Variants in PCDHB1 observed in about 807,000 individuals in gnomAD.
PCDHB1 encodes protocadherin beta 1.
Under a neutral mutation model 43.5 loss-of-function variants are expected in PCDHB1, and 44 were observed. That is an observed-to-expected ratio of 1.01 (90% CI 0.79 to 1.30). The LOEUF (loss-of-function observed/expected upper bound fraction) is 1.30, where lower values mean the gene tolerates loss of function less well. Ranked by LOEUF, PCDHB1 falls within the 50% of genes most tolerant of loss-of-function variation. The pLI is 0.00. For missense variants in PCDHB1, 919 were observed against 1,008.9 expected (o/e 0.91, Z 1.21); for synonymous variants, 392 against 400.8 (o/e 0.98, Z 0.26).
chr5:141,052,023 T>A lies in PCDHB1; in HGVS notation c.553T>A (p.Cys185Ser). The A allele has an allele frequency of 6.2e-7, 1 of 1,614,184 alleles. No individual in the cohort carries two copies. The highest frequency in any genetic ancestry group is 8.5e-7 in the Non-Finnish European group (1 of 1,180,040). The part of the protein sequence containing the change: ...NGYFHLHTRF[C>S]SHGPKYAELV... Reference sequence around the variant, plus strand: ...GTATTTCCACCTGCACACCCGCTTCTGCAGCCACGGGCCTAAATATGCTGA... The same window carrying A: ...GTATTTCCACCTGCACACCCGCTTCAGCAGCCACGGGCCTAAATATGCTGA... The change falls in exon 1 of 1, where the codon TGC (cysteine) becomes AGC (serine). Residue 185 changes from cysteine to serine, a missense_variant. Cys to Ser is a moderately radical substitution (Grantham distance 112, BLOSUM62 -1). Transcript: ENST00000306549.
In PCDHB1 at chr5:141,052,951, CA is replaced by C. The variant is rs782781242; in HGVS notation, c.1487del (p.Asn496ThrfsTer12). Reference protein sequence around the residue: ...NAQITYSLLPPKNGDLSVFAY... With the variant: ...NAQITYSLLPXKNGDLSVFAY... ...CAAATAACATATTCTCTGTTGCCTC[CA>C]AAAAACGGAGATCTTTCAGTCTTTG... is the stretch of plus-strand genomic sequence containing the variant. On this transcript the variant is annotated frameshift_variant, in exon 1 of 1. Transcript: ENST00000306549. LOFTEE classifies it high-confidence loss of function. 8.7e-6 allele frequency: 14 copies of C among 1,613,898 alleles called. No individual in the cohort carries two copies. Among genetic ancestry groups the C allele is most frequent in the Non-Finnish European group, 1.2e-5 (14 of 1,179,990 alleles).
chr5:141,053,724 C>T lies in PCDHB1; in HGVS notation c.2254C>T (p.Pro752Ser), dbSNP rs1308731130. 2 of 1,614,038 alleles carry T rather than the reference C, an allele frequency of 1.2e-6. No individual in the cohort carries two copies. The highest frequency in any genetic ancestry group is 1.7e-6 in the Non-Finnish European group (2 of 1,179,990). Residue 752 changes from proline to serine, a missense_variant, in exon 1 of 1, where the codon CCT (proline) becomes TCT (serine). Transcript: ENST00000306549. The part of the protein sequence containing the change: ...QGQGNGSLSR[P>S]CPYEMCSATG... ...ACAAGGCAATGGATCCTTATCTCGGCCTTGTCCATATGAAATGTGTTCAGC... is the reference window on the plus strand; with the variant it reads ...ACAAGGCAATGGATCCTTATCTCGGTCTTGTCCATATGAAATGTGTTCAGC...
rs1193802785 is a variant in PCDHB1 at position 141,052,071 on chromosome 5, G to A, written c.601G>A (p.Asp201Asn). 1 of 1,614,028 alleles carries A rather than the reference G, an allele frequency of 6.2e-7. No homozygotes were observed. The highest frequency in any genetic ancestry group is 8.5e-7 in the Non-Finnish European group (1 of 1,180,054). The change falls in exon 1 of 1, where the codon GAC becomes AAC. Residue 201 changes from aspartate to asparagine, a missense_variant. Transcript: ENST00000306549. ...YAELVLNKPL[D>N]REEQPEVNLT... ...TGAGCTGGTGCTGAACAAACCCCTGGACCGAGAGGAGCAGCCTGAAGTCAA... is the reference window on the plus strand; with the variant it reads ...TGAGCTGGTGCTGAACAAACCCCTGAACCGAGAGGAGCAGCCTGAAGTCAA...
chr5:141,057,166 T>C lies in PCDHB1; in HGVS notation c.*3239T>C, dbSNP rs1751150128. 6.6e-6 allele frequency: 1 copy of C among 152,210 alleles called. No individual in the cohort carries two copies. The highest frequency in any genetic ancestry group is 1.5e-5 in the Non-Finnish European group (1 of 68,034). 9.4% of individuals were successfully genotyped at this position (152,210 alleles called of 1,614,324 possible). A position where few individuals can be genotyped will look rare whatever the true frequency, so the allele number is the denominator to read the frequency against. ...ACAGAAGATGTAGATTTGTCAACTT[T>C]TTATTTTTTCACATTAAATGAGATA... On this transcript the variant is annotated 3_prime_UTR_variant, in exon 1 of 1. Coordinates refer to ENST00000306549, the MANE Select transcript of PCDHB1 (RefSeq NM_013340.4).
At position 141,052,336 on chromosome 5, in the gene PCDHB1, T is replaced by C; in HGVS notation, c.866T>C (p.Leu289Pro). ...TTAGCTCAAAACCCAGAAGCAATTC[T>C]CAAGACGTTTCAGATTGACCCTCAA... The part of the protein sequence containing the change: ...YSLAQNPEAI[L>P]KTFQIDPQNG... The change falls in exon 1 of 1, where the codon CTC (leucine) becomes CCC (proline). Residue 289 changes from leucine (L) to proline (P), a missense_variant. Leu to Pro is a moderately conservative substitution (Grantham distance 98). Coordinates refer to ENST00000306549, the MANE Select transcript of PCDHB1 (RefSeq NM_013340.4). 6.2e-7 allele frequency: 1 copy of C among 1,614,236 alleles called. No individual in the cohort carries two copies. The highest frequency in any genetic ancestry group is 8.5e-7 in the Non-Finnish European group (1 of 1,180,046).
At position 141,058,655 on chromosome 5, in the gene PCDHB1, A is replaced by T. The variant is rs550506047; in HGVS notation, c.*4728A>T. The T allele has an allele frequency of 6.6e-6, 1 of 152,276 alleles. No homozygotes were observed. The highest frequency in any genetic ancestry group is 1.9e-4 in the East Asian group (1 of 5,186). 9.4% of individuals were successfully genotyped at this position (152,276 alleles called of 1,614,324 possible). A position where few individuals can be genotyped will look rare whatever the true frequency, so the allele number is the denominator to read the frequency against. The stretch of plus-strand genomic sequence containing the variant: ...AAGTTACTTTTTTCTCTTTGTAATT[A>T]ATAAACACTTGGGGGATATGCTTTG... On this transcript the variant is annotated 3_prime_UTR_variant, in exon 1 of 1. Coordinates refer to ENST00000306549, the MANE Select transcript of PCDHB1 (RefSeq NM_013340.4).
rs75969233 is a variant in PCDHB1, at chr5:141,058,486, T to C, written c.*4559T>C. 1 of 98,536 alleles carries C rather than the reference T, an allele frequency of 1.0e-5. No homozygotes were observed. The highest frequency in any genetic ancestry group is 2.8e-5 in the African/African-American group (1 of 35,120). 6.1% of individuals were successfully genotyped at this position (98,536 alleles called of 1,614,324 possible). A position where few individuals can be genotyped will look rare whatever the true frequency, so the allele number is the denominator to read the frequency against. On this transcript the variant is annotated 3_prime_UTR_variant, in exon 1 of 1. Coordinates refer to ENST00000306549, the MANE Select transcript of PCDHB1 (RefSeq NM_013340.4). The stretch of plus-strand genomic sequence containing the variant: ...TGTCACACTACTGGTGATATTAATC[T>C]TTTTTCTTTTATTGTGGTAAAGAAC...
rs1751040379 is a variant in PCDHB1, at chr5:141,053,212, C to T, written c.1742C>T (p.Ala581Val). The change falls in exon 1 of 1, where the codon GCA becomes GTA. Residue 581 changes from alanine to valine, a missense_variant. Transcript: ENST00000306549. ...LPCNDLVPRSAEAGYLVTKVV... is the reference protein window; with the variant it reads ...LPCNDLVPRSVEAGYLVTKVV... ...TGCAATGACCTGGTGCCCAGGTCTG[C>T]AGAGGCAGGCTACCTAGTGACCAAA... 3.7e-6 allele frequency: 6 copies of T among 1,614,036 alleles called. No homozygotes were observed. Among genetic ancestry groups the T allele is most frequent in the Non-Finnish European group, 8.5e-7 (1 of 1,180,000 alleles).
rs186046978 is a variant in PCDHB1 at position 141,054,266 on chromosome 5, T to C, written c.*339T>C. 21 of 203,986 alleles carry C rather than the reference T, an allele frequency of 1.0e-4. No individual in the cohort carries two copies. The highest frequency in any genetic ancestry group is 7.1e-5 in the Non-Finnish European group (7 of 99,278). The allele number at this position is 203,986 out of a possible 1,614,324, so 12.6% of individuals were successfully genotyped here. A position where few individuals can be genotyped will look rare whatever the true frequency, so the allele number is the denominator to read the frequency against. On this transcript the variant is annotated 3_prime_UTR_variant, in exon 1 of 1. Transcript: ENST00000306549. ...AATAAGCCATTATTCACATTTTCCT[T>C]AGAAGTTCATTGGTCCTGGCCCAGG...
rs1185017215 is a variant in PCDHB1 at position 141,053,018 on chromosome 5, G to A, written c.1548G>A (p.Ala516=). ...SINSGNGKLY[A]LRTMDYEAIQ... Reference sequence around the variant, plus strand: ...ATTCAGGCAATGGGAAGCTCTACGCGCTGAGAACCATGGATTATGAGGCCA... The same window carrying A: ...ATTCAGGCAATGGGAAGCTCTACGCACTGAGAACCATGGATTATGAGGCCA... Residue 516 remains alanine, a synonymous_variant, in exon 1 of 1, where the codon GCG becomes GCA. Coordinates refer to ENST00000306549, the MANE Select transcript of PCDHB1 (RefSeq NM_013340.4). 12 of 1,614,040 alleles carry A rather than the reference G, an allele frequency of 7.4e-6. No individual in the cohort carries two copies. Among genetic ancestry groups the A allele is most frequent in the East Asian group, 4.5e-5 (2 of 44,886 alleles).
Position 141,052,109 on chromosome 5 carries a change from G to T in PCDHB1, c.639G>T (p.Thr213=). 6.2e-7 allele frequency: 1 copy of T among 1,612,396 alleles called. No individual in the cohort carries two copies. Among genetic ancestry groups the T allele is most frequent in the Non-Finnish European group, 8.5e-7 (1 of 1,179,272 alleles). ...EEQPEVNLTI[T]AVDGGSPPKS... Reference sequence around the variant, plus strand: ...AGCCTGAAGTCAACTTGACAATTACGGCGGTGGACGGCGGGTCCCCGCCTA... The same window carrying T: ...AGCCTGAAGTCAACTTGACAATTACTGCGGTGGACGGCGGGTCCCCGCCTA... The change falls in exon 1 of 1, where the codon ACG becomes ACT. Residue 213 remains threonine, a synonymous_variant. Coordinates refer to ENST00000306549, the MANE Select transcript of PCDHB1 (RefSeq NM_013340.4).
At position 141,052,803 on chromosome 5, in the gene PCDHB1, G is replaced by A. The variant is rs1554267318; in HGVS notation, c.1333G>A (p.Val445Ile). 2.5e-6 allele frequency: 4 copies of A among 1,614,138 alleles called. No homozygotes were observed. Among genetic ancestry groups the A allele is most frequent in the Admixed American group, 1.7e-5 (1 of 60,020 alleles). ...TATGATAGAGGTGCTAATATCCGAC[G>A]TTAATGACAATCCTCCAATATTTCG... The part of the protein sequence containing the change: ...ETMIEVLISD[V>I]NDNPPIFRED... Residue 445 changes from valine to isoleucine, a missense_variant, in exon 1 of 1, where the codon GTT becomes ATT. Coordinates refer to ENST00000306549, the MANE Select transcript of PCDHB1 (RefSeq NM_013340.4).
In PCDHB1 at chr5:141,057,540, C is replaced by CAAAAAAAAAAAAAAAAAAGAAAAAA. The variant is rs1751159239; in HGVS notation, c.*3615_*3639dup. ...CTGGCGACAAAGCAAGACTCTGTCT[C>CAAAAAAAAAAAAAAAAAAGAAAAAA]AAAAAAAAAAAAAAAAAAGAAAAAA... On this transcript the variant is annotated 3_prime_UTR_variant, in exon 1 of 1. Coordinates refer to ENST00000306549, the MANE Select transcript of PCDHB1 (RefSeq NM_013340.4). 2.8e-5 allele frequency: 2 copies of CAAAAAAAAAAAAAAAAAAGAAAAAA among 72,354 alleles called. No homozygotes were observed. Among genetic ancestry groups the CAAAAAAAAAAAAAAAAAAGAAAAAA allele is most frequent in the African/African-American group, 5.1e-5 (1 of 19,556 alleles). 4.5% of individuals were successfully genotyped at this position (72,354 alleles called of 1,614,324 possible).
At position 141,052,456 on chromosome 5, in the gene PCDHB1, C is replaced by G; in HGVS notation, c.986C>G (p.Ala329Gly). ...GCTACAGATGGTGGAGGCCTCTCTGCCCACAGCAAAGTCCTGGTAGAAGTG... is the reference window on the plus strand; with the variant it reads ...GCTACAGATGGTGGAGGCCTCTCTGGCCACAGCAAAGTCCTGGTAGAAGTG... ...IQATDGGGLS[A>G]HSKVLVEVVD... Residue 329 changes from alanine to glycine, a missense_variant, in exon 1 of 1, where the codon GCC (alanine) becomes GGC (glycine). Coordinates refer to ENST00000306549, the MANE Select transcript of PCDHB1 (RefSeq NM_013340.4). The G allele has an allele frequency of 1.2e-6, 2 of 1,614,172 alleles. No individual in the cohort carries two copies. Among genetic ancestry groups the G allele is most frequent in the Non-Finnish European group, 1.7e-6 (2 of 1,180,038 alleles).
Position 141,056,610 on chromosome 5 carries a change from T to A in PCDHB1, c.*2683T>A, listed in dbSNP as rs1284639578. ...AAAGGAGATAGAATTTTTATTTATT[T>A]ATTTATTTTTTGGAGACAAAGTCTT... On this transcript the variant is annotated 3_prime_UTR_variant, in exon 1 of 1. Coordinates refer to ENST00000306549, the MANE Select transcript of PCDHB1 (RefSeq NM_013340.4). 6.6e-6 allele frequency: 1 copy of A among 152,172 alleles called. No homozygotes were observed. Among genetic ancestry groups the A allele is most frequent in the Non-Finnish European group, 1.5e-5 (1 of 68,038 alleles). The allele number at this position is 152,172 out of a possible 1,614,324, so 9.4% of individuals were successfully genotyped here.
At position 141,052,165 on chromosome 5, in the gene PCDHB1, TTC is replaced by T; in HGVS notation, c.697_698del (p.Leu233GlyfsTer62). 1 of 1,613,872 alleles carries T rather than the reference TTC, an allele frequency of 6.2e-7. No individual in the cohort carries two copies. Among genetic ancestry groups the T allele is most frequent in the Non-Finnish European group, 8.5e-7 (1 of 1,179,922 alleles). ...GGCACAGCTCACATCCACGTGGTGG[TTC>T]TGGATGTCAACGACCACGTGCCCCA... On this transcript the variant is annotated frameshift_variant, in exon 1 of 1. Transcript: ENST00000306549. LOFTEE classifies it high-confidence loss of function.
In PCDHB1 at chr5:141,051,493, C is replaced by T. The variant is rs782431208; in HGVS notation, c.23C>T (p.Ser8Phe). Residue 8 changes from serine (S) to phenylalanine (F), a missense_variant, in exon 1 of 1, where the codon TCT (serine) becomes TTT (phenylalanine). Physicochemically the swap from Ser to Phe is radical, Grantham distance 155 (BLOSUM62 -2). Transcript: ENST00000306549. MAGTRRKSLQNRQVGSLL... is the reference protein window; with the variant it reads MAGTRRKFLQNRQVGSLL... ...CTGATGGCGGGTACGCGCAGAAAAT[C>T]TTTGCAAAACAGGCAAGTGGGATCT... is the stretch of plus-strand genomic sequence containing the variant. 6.2e-7 allele frequency: 1 copy of T among 1,614,116 alleles called. No individual in the cohort carries two copies. The highest frequency in any genetic ancestry group is 8.5e-7 in the Non-Finnish European group (1 of 1,179,918).
rs1163147246 is a variant in PCDHB1 at position 141,057,554 on chromosome 5, A to G, written c.*3627A>G. The G allele has an allele frequency of 2.7e-5, 4 of 150,124 alleles. No homozygotes were observed. Among genetic ancestry groups the G allele is most frequent in the Non-Finnish European group, 5.9e-5 (4 of 67,638 alleles). The allele number at this position is 150,124 out of a possible 1,614,324, so 9.3% of individuals were successfully genotyped here. ...AGACTCTGTCTCAAAAAAAAAAAAAAAAAAGAAAAAAAGAAAAAAGAAAAA... is the reference window on the plus strand; with the variant it reads ...AGACTCTGTCTCAAAAAAAAAAAAAGAAAAGAAAAAAAGAAAAAAGAAAAA... On this transcript the variant is annotated 3_prime_UTR_variant, in exon 1 of 1. Transcript: ENST00000306549.
chr5:141,054,130 A>G lies in PCDHB1; in HGVS notation c.*203A>G, dbSNP rs1477220848. On this transcript the variant is annotated 3_prime_UTR_variant, in exon 1 of 1. Coordinates refer to ENST00000306549, the MANE Select transcript of PCDHB1 (RefSeq NM_013340.4). ...GCAGTTATCCTGATCCCCAGATCAT[A>G]TATCTATAACCCTTTCTCCAGTTGG... 19 of 543,744 alleles carry G rather than the reference A, an allele frequency of 3.5e-5. No individual in the cohort carries two copies. The highest frequency in any genetic ancestry group is 3.4e-4 in the Admixed American group (11 of 32,280). The allele number at this position is 543,744 out of a possible 1,614,324, so 33.7% of individuals were successfully genotyped here.
Sources: allele counts gnomAD v4.1 joint callset, GRCh38; gene constraint gnomAD v4.1.1; transcripts MANE v1.5; gene names NCBI Gene and HGNC (gene_info 2026-07-23, HGNC 2026-07-21).